RTKN2: variants seen among roughly 807,000 people sequenced by gnomAD.
RTKN2 encodes the protein rhotekin-2.
A neutral mutation model predicts 71.5 loss-of-function variants in RTKN2; 69 were observed. The ratio of observed to expected loss-of-function variants is 0.96; its 90% CI spans 0.79 to 1.18. The LOEUF (loss-of-function observed/expected upper bound fraction) is 1.18, where lower values mean the gene tolerates loss of function less well. Among genes scored for constraint, RTKN2 ranks in the 50% most tolerant of loss-of-function variants. The pLI is 0.00. For missense variants in RTKN2, 724 were observed against 719.7 expected, an observed-to-expected ratio of 1.01 and a Z score of -0.07; for synonymous variants, 236 against 236.5, an observed-to-expected ratio of 1.00 and a Z score of 0.02.
chr10:62,238,167 GT>G (rs1180870032), intron 5 of RTKN2: 9 of 151,812 alleles, frequency 5.9e-5, no homozygotes, highest in Admixed American at 2.0e-4. Flanking sequence ...TATTTTTATA[GT>G]TTATTATTTG....
chr10:62,259,106 T>A, intron 2 of RTKN2: 1 of 410,948 alleles, frequency 2.4e-6, no homozygotes, highest in Non-Finnish European at 4.9e-6. Context: ...GTTCTCATGA[T>A]AGTGAGTAAG....
chr10:62,238,460 AAAC>A (rs1165011326), intron 5 of RTKN2: 12 of 152,110 alleles, frequency 7.9e-5, no homozygotes, highest in African/African-American at 2.2e-4. Context: ...TGATCAAAAC[AAAC>A]AATAGCAAAA....
At chr10:62,201,484 G>GT (rs1338250159) in intron 10 of RTKN2, among the ~76,000 whole-genome samples, 3 of 152,000 alleles carry the variant, frequency 2.0e-5, no homozygotes, top group Admixed American at 2.0e-4. Context: ...TGTACATCTA[G>GT]TAGGATCTGA....
At chr10:62,249,072 A>G (rs564541586) in intron 2 of RTKN2, among the ~76,000 whole-genome samples, 1 of 152,310 alleles carries the variant, frequency 6.6e-6, no homozygotes, top group African/African-American at 2.4e-5. Context: ...AAAATCGGTA[A>G]TGTCTTTAAA....
rs1454041000 is a variant in RTKN2, at chr10:62,193,778, G to C, written c.*4130C>G. Reference sequence around the variant, plus strand: ...TCTGGATCACTAAACTAAAAGTAAGGTTATGTCAATGGATTTTTAAAAGAG... The same window carrying C: ...TCTGGATCACTAAACTAAAAGTAAGCTTATGTCAATGGATTTTTAAAAGAG... On this transcript the variant is annotated 3_prime_UTR_variant, in exon 12 of 12. Transcript: ENST00000373789. The C allele has an allele frequency of 2.9e-5, 29 of 984,478 alleles. No homozygotes were observed. Among genetic ancestry groups the C allele is most frequent in the Non-Finnish European group, 3.4e-5 (28 of 829,246 alleles). The allele number at this position is 984,478 out of a possible 1,614,324, so 61.0% of individuals were successfully genotyped here.
At chr10:62,190,018 A>AT (rs1284585827), downstream of RTKN2, among the ~76,000 whole-genome samples, 26 of 151,844 alleles carry the variant, frequency 1.7e-4, no homozygotes, top group Non-Finnish European at 5.9e-5. Context: ...TCTCATTCAT[A>AT]TTTTTTTTAG....
chr10:62,227,238 T>C (rs918602727), intron 6 of RTKN2, among the ~76,000 whole-genome samples: 1 of 152,000 alleles, frequency 6.6e-6, no homozygotes, highest in Non-Finnish European at 1.5e-5. Flanking sequence ...GAAAAATAGA[T>C]AGAAAAATAT....
chr10:62,224,067 A>G (rs1444097955), intron 6 of RTKN2, among the ~76,000 whole-genome samples: 1 of 152,182 alleles, frequency 6.6e-6, no homozygotes. Flanking sequence ...TCTTGAAGAC[A>G]TTATGCTAAG....
chr10:62,199,499 G>T (rs183005990), intron 11 of RTKN2, among the ~76,000 whole-genome samples: 167 of 152,158 alleles, frequency 1.1e-3, no homozygotes, highest in African/African-American at 3.9e-3. Context: ...TATTTTCAGT[G>T]CACCTTTACT....
rs762681308 is a variant in RTKN2 at position 62,205,047 on chromosome 10, GT to G, written c.1021-26del. The G allele has an allele frequency of 2.1e-5, 33 of 1,561,154 alleles. No individual in the cohort carries two copies. In the African/African-American group the frequency reaches 4.3e-4, roughly 21 times the overall value. ...CCTAAAAATTAAGAAAAAAATTGGG[GT>G]TTTGCATGAGAAAATTTCTGTAATG... On this transcript the variant is annotated intron_variant, in intron 9 of 11. Coordinates refer to ENST00000373789, the MANE Select transcript of RTKN2 (RefSeq NM_145307.4).
Position 62,195,448 on chromosome 10 carries a change from AT to A in RTKN2, c.*2459del, listed in dbSNP as rs534758148. The stretch of plus-strand genomic sequence containing the variant: ...TGACACAGTGCTTAACTATTTTTAG[AT>A]TTTTTTTTTAAACTGTAAAGGAAGG... On this transcript the variant is annotated 3_prime_UTR_variant, in exon 12 of 12. Coordinates refer to ENST00000373789, the MANE Select transcript of RTKN2 (RefSeq NM_145307.4). 1,846 of 928,512 alleles carry A rather than the reference AT, an allele frequency of 2.0e-3. 2 individuals carry two copies. Among genetic ancestry groups the A allele is most frequent in the African/African-American group, 0.017 (946 of 56,228 alleles). The allele number at this position is 928,512 out of a possible 1,614,324, so 57.5% of individuals were successfully genotyped here.
chr10:62,260,419 T>G (rs1467958418), intron 2 of RTKN2, among the ~76,000 whole-genome samples: 1 of 152,304 alleles, frequency 6.6e-6, no homozygotes, highest in East Asian at 1.9e-4. Flanking sequence ...AGGTTATATC[T>G]TCACATACAA....
chr10:62,195,359 T>C lies in RTKN2; in HGVS notation c.*2549A>G. On this transcript the variant is annotated 3_prime_UTR_variant, in exon 12 of 12. Transcript: ENST00000373789. ...AGCAGCTTTCATATTACATGGCATA[T>C]TTATTTGTCATAAACTTCTGGTTTA... 4.1e-6 allele frequency: 4 copies of C among 984,484 alleles called. No homozygotes were observed. Among genetic ancestry groups the C allele is most frequent in the Non-Finnish European group, 4.8e-6 (4 of 829,094 alleles). 61.0% of individuals were successfully genotyped at this position (984,484 alleles called of 1,614,324 possible). A position where few individuals can be genotyped will look rare whatever the true frequency, so the allele number is the denominator to read the frequency against.
intron 2 of RTKN2, among the ~76,000 whole-genome samples, chr10:62,257,463 C>A (rs532987974): frequency 6.0e-4 from 91 of 152,230 alleles, no homozygotes; most frequent in Non-Finnish European, 1.1e-3. Context: ...AACTTTGAGG[C>A]AGGTGTGGTG....
Position 62,194,633 on chromosome 10 carries a change from C to A in RTKN2, c.*3275G>T. The A allele has an allele frequency of 1.0e-6, 1 of 985,344 alleles. No individual in the cohort carries two copies. Among genetic ancestry groups the A allele is most frequent in the Non-Finnish European group, 1.2e-6 (1 of 829,888 alleles). The allele number at this position is 985,344 out of a possible 1,614,324, so 61.0% of individuals were successfully genotyped here. A position where few individuals can be genotyped will look rare whatever the true frequency, so the allele number is the denominator to read the frequency against. ...TCGTGGTAACACAGGTGATTACATT[C>A]AAATGGCATTTAACATAAATTGCAC... On this transcript the variant is annotated 3_prime_UTR_variant, in exon 12 of 12. Transcript: ENST00000373789.
intron 2 of RTKN2, among the ~76,000 whole-genome samples, chr10:62,250,826 A>T (rs2116582): frequency 0.89 from 135,609 of 152,156 alleles, 60,544 homozygotes; most frequent in East Asian, 0.99. Flanking sequence ...AGACAGTGTT[A>T]TACGATGTTG....
chr10:62,208,383 G>A (rs923906314), intron 9 of RTKN2, among the ~76,000 whole-genome samples: 4 of 152,146 alleles, frequency 2.6e-5, no homozygotes, highest in African/African-American at 4.8e-5. Context: ...GCCAGGAAAT[G>A]TATAAGATGA....
chr10:62,205,561 ATTTT>A (rs896365062), intron 9 of RTKN2, among the ~76,000 whole-genome samples: 1 of 152,188 alleles, frequency 6.6e-6, no homozygotes, highest in Non-Finnish European at 1.5e-5. Context: ...ATTAACATTT[ATTTT>A]GTACGTAACG....
downstream of RTKN2, among the ~76,000 whole-genome samples, chr10:62,190,781 C>T (rs1301081153): frequency 6.6e-6 from 1 of 152,198 alleles, no homozygotes; most frequent in African/African-American, 2.4e-5. Flanking sequence ...GCCAACTATT[C>T]CAGCTTAACC....
Sources: gnomAD v4.1 joint callset for allele counts (sites outside exome capture counted in the v4.1 genomes callset) on GRCh38, gnomAD v4.1.1 for gene constraint, MANE v1.5 for transcripts, NCBI Gene and HGNC (gene_info 2026-07-23, HGNC 2026-07-21) for gene names.